ALPL: variants seen among roughly 807,000 people sequenced by gnomAD.
ALPL encodes the protein alkaline phosphatase, tissue-nonspecific isozyme.
ALPL carries 42 observed loss-of-function variants against 51.3 expected under a neutral mutation model. The observed-to-expected ratio is 0.82, with a 90% CI of 0.64 to 1.06. ALPL has a LOEUF of 1.06. ALPL is among the 50% of genes least tolerant of loss of function. The probability of loss-of-function intolerance (pLI) is 0.00; values close to 1 mark genes in which losing one functional copy is unlikely to be tolerated. For synonymous variants in ALPL, 279 were observed against 296.4 expected (o/e 0.94, Z 0.60); for missense variants, 589 against 709.4 (o/e 0.83, Z 1.93).
chr1:21,531,038 C>T (rs1644023200), intron 1 of ALPL, among the ~76,000 whole-genome samples: 1 of 148,732 alleles, frequency 6.7e-6, no homozygotes, highest in African/African-American at 2.5e-5. Context: ...GGCTCAACCT[C>T]TGTCTCTCAG....
intron 1 of ALPL, among the ~76,000 whole-genome samples, chr1:21,518,699 T>A (rs1000172841): frequency 2.0e-5 from 3 of 152,120 alleles, no homozygotes; most frequent in Admixed American, 6.5e-5. Context: ...AACTGTACCA[T>A]CCCCAAGCTC....
intron 1 of ALPL, among the ~76,000 whole-genome samples, chr1:21,541,883 C>T (rs1644191411): frequency 6.6e-6 from 1 of 152,150 alleles, no homozygotes. Context: ...GGGGTACTTC[C>T]ACGTCTGTTT....
In ALPL at chr1:21,538,885, CT is replaced by C. The variant is rs1558535926; in HGVS notation, c.-104-15092del. On this transcript the variant is annotated intron_variant, in intron 1 of 11. Coordinates refer to ENST00000374840, the MANE Select transcript of ALPL (RefSeq NM_000478.6). ...AGACTTGGACCCTAGATGTGACATT[CT>C]CTTGCTGTGTGACCTCTGGCAAGTC... 2.0e-5 allele frequency among the ~76,000 whole-genome samples: 3 copies of C among 152,230 alleles called. No individual in the cohort carries two copies. The East Asian group carries it at 5.8e-4, about 29-fold the overall frequency.
intron 1 of ALPL, among the ~76,000 whole-genome samples, chr1:21,521,486 T>G (rs531720879): frequency 7.2e-5 from 11 of 152,260 alleles, no homozygotes; most frequent in African/African-American, 2.6e-4. Flanking sequence ...GACTTTTGAG[T>G]TCATGAAAGG....
At chr1:21,521,771 T>C (rs1478528182) in intron 1 of ALPL, among the ~76,000 whole-genome samples, 1 of 152,224 alleles carries the variant, frequency 6.6e-6, no homozygotes, top group African/African-American at 2.4e-5. Flanking sequence ...GTGTCATACC[T>C]CTGGCCAATG....
At chr1:21,570,629 C>T (rs910274978) in intron 8 of ALPL, among the ~76,000 whole-genome samples, 7 of 152,290 alleles carry the variant, frequency 4.6e-5, no homozygotes, top group African/African-American at 7.2e-5. Flanking sequence ...GAGTGGCCCG[C>T]GGCATGTGGC....
At position 21,554,161 on chromosome 1, in the gene ALPL, G is replaced by T. The variant is rs754231482; in HGVS notation, c.61+19G>T. ...GTGCCAGGTATGCTTGGGGACACAGGTGGAGGCATAAAAAGGTGGTGCAGA... is the reference window on the plus strand; with the variant it reads ...GTGCCAGGTATGCTTGGGGACACAGTTGGAGGCATAAAAAGGTGGTGCAGA... On this transcript the variant is annotated intron_variant, in intron 2 of 11. Transcript: ENST00000374840. 1 of 1,613,174 alleles carries T rather than the reference G, an allele frequency of 6.2e-7. No individual in the cohort carries two copies. Among genetic ancestry groups the T allele is most frequent in the Non-Finnish European group, 8.5e-7 (1 of 1,179,398 alleles).
intron 1 of ALPL, among the ~76,000 whole-genome samples, chr1:21,515,853 C>T (rs12030397): frequency 1.6e-5 from 2 of 126,298 alleles, no homozygotes; most frequent in African/African-American, 6.0e-5. Context: ...GTTTGTTTGT[C>T]TGTTTTGTTT....
chr1:21,524,701 G>C (rs1022929191), intron 1 of ALPL, among the ~76,000 whole-genome samples: 3 of 152,096 alleles, frequency 2.0e-5, no homozygotes, highest in African/African-American at 7.2e-5. Context: ...TAGTTCTTTT[G>C]GAGCCAGATC....
chr1:21,531,174 G>T (rs920267837), intron 1 of ALPL, among the ~76,000 whole-genome samples: 1 of 151,998 alleles, frequency 6.6e-6, no homozygotes, highest in African/African-American at 2.4e-5. Context: ...GGCCAGGCTG[G>T]TCTCGAACTC....
At chr1:21,525,677 C>G (rs1165008236) in intron 1 of ALPL, among the ~76,000 whole-genome samples, 4 of 152,146 alleles carry the variant, frequency 2.6e-5, no homozygotes, top group South Asian at 4.1e-4. Flanking sequence ...TGGATCTGCC[C>G]TGGATTTTGC....
intron 1 of ALPL, among the ~76,000 whole-genome samples, chr1:21,518,852 G>T (rs1172065058): frequency 6.6e-6 from 1 of 152,060 alleles, no homozygotes; most frequent in Non-Finnish European, 1.5e-5. Flanking sequence ...TGTGACAGTG[G>T]GACCACCTGG....
chr1:21,532,659 C>T (rs1270215917), intron 1 of ALPL, among the ~76,000 whole-genome samples: 1 of 152,216 alleles, frequency 6.6e-6, no homozygotes, highest in Non-Finnish European at 1.5e-5. Context: ...CCACCCAAAC[C>T]TCTGCGTGCA....
chr1:21,574,905 G>A (rs1644705687), intron 9 of ALPL, among the ~76,000 whole-genome samples: 2 of 152,276 alleles, frequency 1.3e-5, no homozygotes, highest in Admixed American at 6.5e-5. Flanking sequence ...GCTGCCTGGC[G>A]CCCAGGACCC....
chr1:21,544,870 A>G (rs1190645244), intron 1 of ALPL, among the ~76,000 whole-genome samples: 2 of 152,226 alleles, frequency 1.3e-5, no homozygotes, highest in Non-Finnish European at 2.9e-5. Context: ...CTAAAACTTT[A>G]AAAAGAACAC....
At chr1:21,517,727 C>T (rs1005453740) in intron 1 of ALPL, among the ~76,000 whole-genome samples, 29 of 152,104 alleles carry the variant, frequency 1.9e-4, no homozygotes, top group African/African-American at 7.0e-4. Context: ...TTCTGGCTAC[C>T]CTCCCTACCA....
At chr1:21,572,846 C>T (rs1644668800) in intron 8 of ALPL, among the ~76,000 whole-genome samples, 1 of 152,170 alleles carries the variant, frequency 6.6e-6, no homozygotes. Context: ...ACAATGATTC[C>T]AAACCTTCTG....
chr1:21,567,529 G>A (rs913260813), intron 6 of ALPL, among the ~76,000 whole-genome samples: 7 of 152,192 alleles, frequency 4.6e-5, no homozygotes, highest in South Asian at 2.1e-4. Flanking sequence ...CTCCCTGCAC[G>A]CATTCAGCCT....
chr1:21,577,630 C>A lies in ALPL; in HGVS notation c.1557C>A (p.Pro519=), dbSNP rs376020180. The A allele has an allele frequency of 5.7e-5, 91 of 1,598,490 alleles. No individual in the cohort carries two copies. Among genetic ancestry groups the A allele is most frequent in the Middle Eastern group, 5.0e-4 (3 of 6,058 alleles). ...TGCTGCTCGCGCTGGCCCTCTACCC[C>A]CTGAGCGTCCTGTTCTGAGGGCCCA... The part of the protein sequence containing the change: ...GPLLLALALY[P]LSVLF Residue 519 remains proline, a synonymous_variant, in exon 12 of 12, where the codon CCC becomes CCA. Transcript: ENST00000374840.
Sources: allele counts gnomAD v4.1 joint callset (sites outside exome capture counted in the v4.1 genomes callset), GRCh38; gene constraint gnomAD v4.1.1; transcripts MANE v1.5; gene names NCBI Gene and HGNC (gene_info 2026-07-23, HGNC 2026-07-21).